Variants in SLC6A11 observed in about 807,000 individuals in gnomAD.
The protein encoded by SLC6A11 is solute carrier family 6 member 11, also known as sodium- and chloride-dependent GABA transporter 3.
In SLC6A11, 25 loss-of-function variants were observed where a neutral mutation model predicts 74.8. The ratio of observed to expected loss-of-function variants is 0.33; its 90% CI spans 0.24 to 0.47. The LOEUF is 0.47. Among genes scored for constraint, SLC6A11 ranks in the 20% least tolerant of loss-of-function variants. The probability of loss-of-function intolerance (pLI) is 1.00; values close to 1 mark genes in which losing one functional copy is unlikely to be tolerated. For synonymous variants in SLC6A11, 330 were observed against 330.2 expected (o/e 1.00, Z 0.01); for missense variants, 574 against 837.0 (o/e 0.69, Z 3.88).
intron 10 of SLC6A11, among the ~76,000 whole-genome samples, chr3:10,930,841 C>T (rs1325748896): frequency 2.0e-5 from 3 of 151,986 alleles, no homozygotes. Context: ...TTTCATGGCC[C>T]CCAGAGGCCA....
chr3:10,885,291 G>T (rs943635825), intron 6 of SLC6A11, among the ~76,000 whole-genome samples: 11 of 151,776 alleles, frequency 7.2e-5, no homozygotes, highest in Non-Finnish European at 1.0e-4. Flanking sequence ...TTTTCTTAGT[G>T]CAGGTCTGTA....
intron 11 of SLC6A11, 32 bp downstream of exon 11, chr3:10,933,285 G>C (rs1422840210): frequency 4.7e-6 from 7 of 1,483,006 alleles, no homozygotes; most frequent in Non-Finnish European, 6.6e-6. Flanking sequence ...CCACACCCCA[G>C]CTGCCCACCA....
chr3:10,935,250 G>A (rs1350791035), intron 13 of SLC6A11, 51 bp downstream of exon 13: 1 of 1,566,716 alleles, frequency 6.4e-7, no homozygotes. Flanking sequence ...TCGCGCCTTG[G>A]GTCCCAGTTT....
chr3:10,841,487 G>A (rs1227963881), intron 4 of SLC6A11, among the ~76,000 whole-genome samples: 1 of 152,172 alleles, frequency 6.6e-6, no homozygotes, highest in Non-Finnish European at 1.5e-5. Context: ...GTTAAAGTCA[G>A]CGTTGGTAAA....
intron 6 of SLC6A11, among the ~76,000 whole-genome samples, chr3:10,904,583 G>A (rs751204047): frequency 6.6e-6 from 1 of 152,146 alleles, no homozygotes; most frequent in Non-Finnish European, 1.5e-5. Context: ...AAATTGTGTC[G>A]AGAAATAGGA....
At chr3:10,839,537 G>C (rs968276466) in intron 4 of SLC6A11, among the ~76,000 whole-genome samples, 1 of 152,196 alleles carries the variant, frequency 6.6e-6, no homozygotes, top group African/African-American at 2.4e-5. Flanking sequence ...CTCCTTCCCT[G>C]CTTCTCCAAG....
At chr3:10,845,021 G>C (rs1481119761) in intron 5 of SLC6A11, among the ~76,000 whole-genome samples, 6 of 152,210 alleles carry the variant, frequency 3.9e-5, no homozygotes, top group Non-Finnish European at 8.8e-5. Context: ...GACATCTGGG[G>C]AGTGAGCATG....
intron 5 of SLC6A11, among the ~76,000 whole-genome samples, chr3:10,869,023 T>C (rs1013414965): frequency 6.6e-6 from 1 of 152,254 alleles, no homozygotes; most frequent in Non-Finnish European, 1.5e-5. Context: ...ATGACCTGCA[T>C]TGTAACCTCA....
At chr3:10,890,443 A>G (rs1251258090) in intron 6 of SLC6A11, among the ~76,000 whole-genome samples, 1 of 152,254 alleles carries the variant, frequency 6.6e-6, no homozygotes, top group Non-Finnish European at 1.5e-5. Flanking sequence ...AGGCTGTGAT[A>G]GCTGTACATG....
chr3:10,843,733 T>C (rs1437040053), intron 4 of SLC6A11, among the ~76,000 whole-genome samples: 1 of 152,126 alleles, frequency 6.6e-6, no homozygotes, highest in East Asian at 1.9e-4. Flanking sequence ...ACAGGAGAGT[T>C]AGGGAGAAGA....
chr3:10,846,511 C>T (rs1694505254), intron 5 of SLC6A11, among the ~76,000 whole-genome samples: 1 of 152,170 alleles, frequency 6.6e-6, no homozygotes, highest in Admixed American at 6.5e-5. Context: ...AGGCTCCAGG[C>T]TGTGGGCTAC....
At chr3:10,836,594 G>A (rs1049016780) in intron 4 of SLC6A11, among the ~76,000 whole-genome samples, 1 of 152,102 alleles carries the variant, frequency 6.6e-6, no homozygotes, top group South Asian at 2.1e-4. Flanking sequence ...ATTTCAATGC[G>A]GAACACTTCT....
intron 7 of SLC6A11, among the ~76,000 whole-genome samples, chr3:10,912,544 C>G (rs1386767641): frequency 1.3e-5 from 2 of 152,240 alleles, no homozygotes; most frequent in African/African-American, 2.4e-5. Context: ...GTTCTCTCGC[C>G]TACTATTTAG....
chr3:10,834,357 T>G lies in SLC6A11; in HGVS notation c.624-9857T>G, dbSNP rs563328822. Among the ~76,000 whole-genome samples the G allele has an allele frequency of 1.3e-4, 20 of 151,922 alleles. 1 individual carries two copies. In the East Asian group the frequency reaches 3.3e-3, roughly 25 times the overall value. Reference sequence around the variant, plus strand: ...GTAAGTTTGTTTTTTTTTTTGTTTTTTTTTTCAGCAGATGGGGAATATATT... The same window carrying G: ...GTAAGTTTGTTTTTTTTTTTGTTTTGTTTTTCAGCAGATGGGGAATATATT... On this transcript the variant is annotated intron_variant, in intron 4 of 13. Coordinates refer to ENST00000254488, the MANE Select transcript of SLC6A11 (RefSeq NM_014229.3).
chr3:10,924,150 A>G (rs1695571338), intron 8 of SLC6A11, among the ~76,000 whole-genome samples: 1 of 152,212 alleles, frequency 6.6e-6, no homozygotes. Context: ...GGGCAAAAGG[A>G]GAAAAACTGG....
chr3:10,929,169 T>C, intron 9 of SLC6A11, 33 bp from the exon 10 acceptor site: 1 of 1,610,384 alleles, frequency 6.2e-7, no homozygotes, highest in African/African-American at 1.3e-5. Context: ...AGCCTTGTCC[T>C]TGAGTTTCAC....
intron 4 of SLC6A11, among the ~76,000 whole-genome samples, chr3:10,832,506 A>G (rs1694310615): frequency 1.3e-5 from 2 of 152,208 alleles, no homozygotes. Flanking sequence ...TGAATATTTA[A>G]CTGATGTTAA....
chr3:10,831,207 A>G (rs547146444), intron 4 of SLC6A11, among the ~76,000 whole-genome samples: 1 of 152,246 alleles, frequency 6.6e-6, no homozygotes, highest in African/African-American at 2.4e-5. Flanking sequence ...TCTAAACAAC[A>G]GCAACAGAAG....
intron 6 of SLC6A11, among the ~76,000 whole-genome samples, chr3:10,900,449 C>T (rs961559790): frequency 3.3e-5 from 5 of 152,196 alleles, no homozygotes; most frequent in African/African-American, 9.7e-5. Flanking sequence ...TTGGGGGAGA[C>T]AGACAATAAA....
Sources: allele counts gnomAD v4.1 joint callset (sites outside exome capture counted in the v4.1 genomes callset), GRCh38; gene constraint gnomAD v4.1.1; transcripts MANE v1.5; gene names NCBI Gene and HGNC (gene_info 2026-07-23, HGNC 2026-07-21).